The following FAM83B variants were observed in gnomAD, a reference collection of about 807,000 sequenced individuals.
FAM83B encodes scaffolding CK1 anchoring protein B.
In FAM83B, 26 loss-of-function variants were observed where a neutral mutation model predicts 38.8. The ratio of observed to expected loss-of-function variants is 0.67; its 90% CI spans 0.49 to 0.93. FAM83B has a LOEUF of 0.93. Ranked by LOEUF, FAM83B falls within the 40% of genes least tolerant of loss-of-function variation. The pLI, the probability that FAM83B is intolerant of heterozygous loss-of-function variation, is 0.00. For missense variants in FAM83B, 1,237 were observed against 1,197.3 expected (o/e 1.03, Z -0.49); for synonymous variants, 419 against 423.1 (o/e 0.99, Z 0.12).
At chr6:54,920,103 A>C (rs968092664) in intron 2 of FAM83B, among the ~76,000 whole-genome samples, 1 of 151,990 alleles carries the variant, frequency 6.6e-6, no homozygotes, top group Non-Finnish European at 1.5e-5. Flanking sequence ...AATTTCATGC[A>C]AAATGGATAC....
intron 1 of FAM83B, among the ~76,000 whole-genome samples, chr6:54,862,361 G>A (rs1050399347): frequency 6.6e-6 from 1 of 152,174 alleles, no homozygotes; most frequent in African/African-American, 2.4e-5. Context: ...AGCAGCATCA[G>A]GGTATAGTTG....
At chr6:54,915,738 G>A (rs1485996151) in intron 2 of FAM83B, among the ~76,000 whole-genome samples, 2 of 94,890 alleles carry the variant, frequency 2.1e-5, no homozygotes, top group South Asian at 3.1e-4. Context: ...CCCGGGAAGC[G>A]GAGCTTGCAG....
At chr6:54,860,403 A>C (rs1771551619) in intron 1 of FAM83B, among the ~76,000 whole-genome samples, 1 of 152,102 alleles carries the variant, frequency 6.6e-6, no homozygotes, top group Admixed American at 6.5e-5. Flanking sequence ...GCTCTTCCTG[A>C]GTTGTATCCT....
At chr6:54,854,543 T>C (rs1045430802) in intron 1 of FAM83B, among the ~76,000 whole-genome samples, 4 of 152,234 alleles carry the variant, frequency 2.6e-5, no homozygotes, top group African/African-American at 2.4e-5. Flanking sequence ...GCTCAGATGA[T>C]AGTTAGCATT....
At chr6:54,922,356 A>T (rs991791838) in intron 2 of FAM83B, among the ~76,000 whole-genome samples, 1 of 152,070 alleles carries the variant, frequency 6.6e-6, no homozygotes, top group East Asian at 1.9e-4. Context: ...AATTAGTGCC[A>T]GACTGCACCA....
At chr6:54,879,451 T>G (rs190755846) in intron 2 of FAM83B, among the ~76,000 whole-genome samples, 2 of 152,270 alleles carry the variant, frequency 1.3e-5, no homozygotes, top group Admixed American at 6.5e-5. Flanking sequence ...TCGCAATTCC[T>G]TTATGCTGGG....
intron 1 of FAM83B, among the ~76,000 whole-genome samples, chr6:54,861,747 T>C (rs964884074): frequency 2.0e-5 from 3 of 152,110 alleles, no homozygotes; most frequent in Non-Finnish European, 4.4e-5. Context: ...CACTGTCCGA[T>C]AATGAGATGC....
intron 2 of FAM83B, among the ~76,000 whole-genome samples, chr6:54,894,020 G>C (rs1327437346): frequency 6.6e-6 from 1 of 152,078 alleles, no homozygotes; most frequent in Non-Finnish European, 1.5e-5. Context: ...GTTTTATTAT[G>C]GTCAAAGATC....
In FAM83B at chr6:54,915,598, A is replaced by G. The variant is rs1313596373; in HGVS notation, c.445-10773A>G. Among the ~76,000 whole-genome samples, 2 of 92,446 alleles carry G rather than the reference A, an allele frequency of 2.2e-5. 1 individual carries two copies. Among genetic ancestry groups the G allele is most frequent in the Non-Finnish European group, 4.2e-5 (2 of 47,578 alleles). 60.6% of individuals were successfully genotyped at this position (92,446 alleles called of 152,430 possible). ...GAGGCGGGTGGATCATGAGGTCAGG[A>G]GATCGAGACCATCCTGGCTAACAAG... On this transcript the variant is annotated intron_variant, in intron 2 of 4. Transcript: ENST00000306858.
chr6:54,880,624 T>A (rs1772112250), intron 2 of FAM83B, among the ~76,000 whole-genome samples: 1 of 152,034 alleles, frequency 6.6e-6, no homozygotes, highest in Non-Finnish European at 1.5e-5. Flanking sequence ...TTTGTATTTT[T>A]AATAGAGACA....
At position 54,940,003 on chromosome 6, in the gene FAM83B, T is replaced by G. The variant is rs1444532678; in HGVS notation, c.1032T>G (p.Thr344=). The G allele has an allele frequency of 1.2e-6, 2 of 1,614,004 alleles. No homozygotes were observed. The highest frequency in any genetic ancestry group is 1.1e-5 in the South Asian group (1 of 91,080). Residue 344 remains threonine (T), a synonymous_variant, in exon 5 of 5, where the codon ACT becomes ACG. Transcript: ENST00000306858. ...ACTTCAAAAACAGAGGGATATATAC[T>G]TTAAATGAACATGACAAATATAACA... ...SSYFKNRGIY[T]LNEHDKYNIR...
At position 54,926,474 on chromosome 6, in the gene FAM83B, C is replaced by G; in HGVS notation, c.548C>G (p.Ser183Cys). ...GVSVYILLDE[S>C]NFNHFLNMTE... Reference sequence around the variant, plus strand: ...TCTGTTTACATTCTGCTTGATGAGTCCAATTTTAATCATTTTCTAAATATG... The same window carrying G: ...TCTGTTTACATTCTGCTTGATGAGTGCAATTTTAATCATTTTCTAAATATG... Residue 183 changes from serine to cysteine, a missense_variant, in exon 3 of 5, where the codon TCC (serine) becomes TGC (cysteine). Physicochemically the swap from Ser to Cys is moderately radical, Grantham distance 112. Coordinates refer to ENST00000306858, the MANE Select transcript of FAM83B (RefSeq NM_001010872.3). 2.5e-6 allele frequency: 4 copies of G among 1,609,816 alleles called. No homozygotes were observed. The highest frequency in any genetic ancestry group is 3.4e-6 in the Non-Finnish European group (4 of 1,177,430).
chr6:54,909,319 C>T (rs945224741), intron 2 of FAM83B, among the ~76,000 whole-genome samples: 1 of 152,098 alleles, frequency 6.6e-6, no homozygotes, highest in African/African-American at 2.4e-5. Flanking sequence ...TCCATATATT[C>T]CAATCCAACT....
chr6:54,908,400 A>T (rs1160769580), intron 2 of FAM83B, among the ~76,000 whole-genome samples: 1 of 152,108 alleles, frequency 6.6e-6, no homozygotes, highest in Non-Finnish European at 1.5e-5. Flanking sequence ...TCTACTACCA[A>T]AGAAAAGAGC....
Position 54,944,955 on chromosome 6 carries a change from C to T in FAM83B, c.*2948C>T, listed in dbSNP as rs1416599046. 6.6e-6 allele frequency: 1 copy of T among 152,122 alleles called. No individual in the cohort carries two copies. Among genetic ancestry groups the T allele is most frequent in the Non-Finnish European group, 1.5e-5 (1 of 68,018 alleles). The allele number at this position is 152,122 out of a possible 1,614,324, so 9.4% of individuals were successfully genotyped here. On this transcript the variant is annotated 3_prime_UTR_variant, in exon 5 of 5. Transcript: ENST00000306858. ...GTATGCCCAGTCTGGACTCCAAGTC[C>T]TGGGCTCAAACGATCCTCCAGCCTC...
intron 2 of FAM83B, among the ~76,000 whole-genome samples, chr6:54,920,857 ACT>A (rs1298839968): frequency 6.6e-6 from 1 of 151,808 alleles, no homozygotes; most frequent in Non-Finnish European, 1.5e-5. Context: ...TTCCCAACAC[ACT>A]GTTTTGACTA....
rs563571420 is a variant in FAM83B, at chr6:54,922,658, G to A, written c.445-3713G>A. 2.0e-5 allele frequency among the ~76,000 whole-genome samples: 3 copies of A among 152,132 alleles called. No individual in the cohort carries two copies. The South Asian group carries it at 6.2e-4, about 32-fold the overall frequency. On this transcript the variant is annotated intron_variant, in intron 2 of 4. Transcript: ENST00000306858. Reference sequence around the variant, plus strand: ...AATGATTGAAATTGTTCTTTCTAGAGAAAATCTGATTGGAGTATGTTTCAC... The same window carrying A: ...AATGATTGAAATTGTTCTTTCTAGAAAAAATCTGATTGGAGTATGTTTCAC...
intron 2 of FAM83B, among the ~76,000 whole-genome samples, chr6:54,922,560 A>G (rs899095401): frequency 1.3e-5 from 2 of 151,986 alleles, no homozygotes; most frequent in African/African-American, 2.4e-5. Context: ...TGAGACTGTT[A>G]TCACTGGTTT....
chr6:54,896,400 A>G (rs1772535611), intron 2 of FAM83B, among the ~76,000 whole-genome samples: 1 of 152,170 alleles, frequency 6.6e-6, no homozygotes, highest in African/African-American at 2.4e-5. Flanking sequence ...TGTTGGTAGA[A>G]GAAGCCTCCT....
Sources: allele counts gnomAD v4.1 joint callset (sites outside exome capture counted in the v4.1 genomes callset), GRCh38; gene constraint gnomAD v4.1.1; transcripts MANE v1.5; gene names NCBI Gene and HGNC (gene_info 2026-07-23, HGNC 2026-07-21).